The following SLCO2A1 variants were observed in gnomAD, a reference collection of about 807,000 sequenced individuals.
SLCO2A1 encodes the protein matrin F/G 1.
In SLCO2A1, 60 loss-of-function variants were observed where a neutral mutation model predicts 71.7. The observed-to-expected ratio is 0.84, with a 90% CI of 0.68 to 1.04. The LOEUF (loss-of-function observed/expected upper bound fraction) is 1.04. Among genes scored for constraint, SLCO2A1 ranks in the 50% least tolerant of loss-of-function variants. The pLI, the probability that SLCO2A1 is intolerant of heterozygous loss-of-function variation, is 0.00. For synonymous variants in SLCO2A1, 308 were observed against 326.7 expected (o/e 0.94, Z 0.62); for missense variants, 745 against 813.4 (o/e 0.92, Z 1.02).
rs4634113 is a variant in SLCO2A1 at position 133,973,653 on chromosome 3, A to G, written c.397+10T>C. The stretch of plus-strand genomic sequence containing the variant: ...CTTACCCCTTGAGGCAGGGGTTGGA[A>G]GCCACTCACCAGTGCTGGCCAAGGT... On this transcript the variant is annotated intron_variant, in intron 3 of 13. Coordinates refer to ENST00000310926, the MANE Select transcript of SLCO2A1 (RefSeq NM_005630.3). 1,381,938 of 1,612,758 alleles carry G rather than the reference A, an allele frequency of 0.86. 593,279 individuals are homozygous for G. Among genetic ancestry groups the G allele is most frequent in the East Asian group, 0.99 (44,438 of 44,878 alleles).
Position 133,953,758 on chromosome 3 carries a change from A to G in SLCO2A1, c.629T>C (p.Ile210Thr). 6.2e-7 allele frequency: 1 copy of G among 1,613,768 alleles called. No homozygotes were observed. Among genetic ancestry groups the G allele is most frequent in the South Asian group, 1.1e-5 (1 of 91,070 alleles). The part of the protein sequence containing the change: ...EPSNSPLYIS[I>T]LFAISVFGPA... ...TCCAAATACAGAGATGGCAAATAAGATGGCTGGAAAAGGAAGTAAGGGGAA... is the reference window on the plus strand; with the variant it reads ...TCCAAATACAGAGATGGCAAATAAGGTGGCTGGAAAAGGAAGTAAGGGGAA... The change falls in exon 5 of 14, where the codon ATC becomes ACC. Residue 210 changes from isoleucine to threonine, a missense_variant. Physicochemically the swap from Ile to Thr is moderately conservative, Grantham distance 89. Coordinates refer to ENST00000310926, the MANE Select transcript of SLCO2A1 (RefSeq NM_005630.3).
At chr3:133,960,161 A>G (rs2108048473) in intron 3 of SLCO2A1, among the ~76,000 whole-genome samples, 1 of 147,552 alleles carries the variant, frequency 6.8e-6, no homozygotes, top group African/African-American at 2.5e-5. Context: ...AATAAATACT[A>G]ATAAAGATAG....
chr3:134,029,497 C>T (rs999001701), intron 1 of SLCO2A1, among the ~76,000 whole-genome samples: 19 of 132,094 alleles, frequency 1.4e-4, no homozygotes, highest in Non-Finnish European at 2.8e-4. Flanking sequence ...CACTCGCACG[C>T]ACACACACAC....
chr3:133,945,051 ATCCTGTGGGGCTCCTCT>A (rs746105038), intron 10 of SLCO2A1, 27 bp downstream of exon 10: 1 of 1,578,216 alleles, frequency 6.3e-7, no homozygotes, highest in Non-Finnish European at 8.6e-7. Context: ...GAGCTCCGAG[ATCCTGTGGGGCTCCTCT>A]TGCCTCTGGA....
chr3:133,991,095 G>A (rs938350791), intron 1 of SLCO2A1, among the ~76,000 whole-genome samples: 2 of 151,730 alleles, frequency 1.3e-5, no homozygotes, highest in Non-Finnish European at 2.9e-5. Context: ...GGGTGACAGA[G>A]CAAGACTCCA....
intron 3 of SLCO2A1, among the ~76,000 whole-genome samples, chr3:133,967,953 C>A: frequency 9.9e-6 from 1 of 100,684 alleles, no homozygotes; most frequent in Admixed American, 1.0e-4. Flanking sequence ...AACACACTTC[C>A]CCCGACATGG....
chr3:133,970,739 T>G (rs1477295856), intron 3 of SLCO2A1, among the ~76,000 whole-genome samples: 1 of 152,184 alleles, frequency 6.6e-6, no homozygotes, highest in Non-Finnish European at 1.5e-5. Context: ...GGGAGACTGC[T>G]GTGCCCTATT....
chr3:133,947,008 G>T (rs1203917057), intron 9 of SLCO2A1, among the ~76,000 whole-genome samples: 1 of 151,972 alleles, frequency 6.6e-6, no homozygotes, highest in African/African-American at 2.4e-5. Context: ...CCAGCTACTC[G>T]AGAGGCTGAG....
chr3:133,946,262 A>T (rs544031467), intron 9 of SLCO2A1, among the ~76,000 whole-genome samples: 1 of 151,918 alleles, frequency 6.6e-6, no homozygotes, highest in South Asian at 2.1e-4. Flanking sequence ...CAGAGAAAAT[A>T]CCAGGGCTGA....
intron 10 of SLCO2A1, among the ~76,000 whole-genome samples, chr3:133,943,461 G>A (rs541631326): frequency 9.8e-5 from 15 of 152,290 alleles, no homozygotes; most frequent in African/African-American, 3.4e-4. Flanking sequence ...GGAACTAAGG[G>A]ACTAGTATGT....
intron 6 of SLCO2A1, among the ~76,000 whole-genome samples, chr3:133,950,700 C>G (rs900352054): frequency 6.6e-6 from 1 of 152,198 alleles, no homozygotes; most frequent in Admixed American, 6.5e-5. Context: ...CGTTCTCATC[C>G]TTCCCTGATT....
intron 3 of SLCO2A1, among the ~76,000 whole-genome samples, chr3:133,966,433 C>A (rs989157883): frequency 6.6e-6 from 1 of 152,134 alleles, no homozygotes; most frequent in Non-Finnish European, 1.5e-5. Context: ...CAGCACAAGA[C>A]GATGAGAGGG....
chr3:133,956,177 C>T (rs769200606), intron 3 of SLCO2A1, among the ~76,000 whole-genome samples: 15 of 152,186 alleles, frequency 9.9e-5, no homozygotes, highest in South Asian at 2.1e-4. Context: ...AATGGGATTC[C>T]GTTTAATTCT....
intron 1 of SLCO2A1, among the ~76,000 whole-genome samples, chr3:134,009,572 A>G (rs62272010): frequency 0.1 from 15,662 of 152,266 alleles, 1,022 homozygotes; most frequent in South Asian, 0.25. Context: ...AGAAATCAAG[A>G]GTTTAAGCCA....
chr3:133,968,463 G>A (rs961489225), intron 3 of SLCO2A1, among the ~76,000 whole-genome samples: 19 of 152,154 alleles, frequency 1.2e-4, no homozygotes, highest in Non-Finnish European at 2.2e-4. Context: ...CCTTCCCACC[G>A]CCTTCTTTCC....
intron 1 of SLCO2A1, among the ~76,000 whole-genome samples, chr3:133,980,703 C>T (rs1419429462): frequency 2.0e-5 from 3 of 152,262 alleles, no homozygotes; most frequent in Non-Finnish European, 4.4e-5. Flanking sequence ...GAAGCTGAGC[C>T]TTCCTCTATA....
intron 1 of SLCO2A1, among the ~76,000 whole-genome samples, chr3:134,013,771 A>G (rs557283079): frequency 1.3e-5 from 2 of 152,352 alleles, no homozygotes; most frequent in South Asian, 4.1e-4. Context: ...AATATGACAT[A>G]TTATTTGGAA....
chr3:133,974,652 T>C (rs901316105), intron 2 of SLCO2A1, among the ~76,000 whole-genome samples: 5 of 152,230 alleles, frequency 3.3e-5, no homozygotes, highest in Non-Finnish European at 5.9e-5. Flanking sequence ...AGATGTGCTC[T>C]CTGAGCCCCA....
chr3:133,973,724 G>A lies in SLCO2A1; in HGVS notation c.336C>T (p.Ala112=), dbSNP rs202035131. 8.7e-6 allele frequency: 14 copies of A among 1,614,144 alleles called. No homozygotes were observed. The African/African-American group carries it at 1.6e-4, about 18-fold the overall frequency. Residue 112 remains alanine, a synonymous_variant, in exon 3 of 14, where the codon GCC becomes GCT. Transcript: ENST00000310926. The part of the protein sequence containing the change: ...GIGGLFLAAG[A]FILTLPHFLS... ...GGAAGTGTGGGAGGGTGAGGATGAAGGCACCTGCAGCCAGGAAGAGACCTC... is the reference window on the plus strand; with the variant it reads ...GGAAGTGTGGGAGGGTGAGGATGAAAGCACCTGCAGCCAGGAAGAGACCTC...
Sources: gnomAD v4.1 joint callset for allele counts (sites outside exome capture counted in the v4.1 genomes callset) on GRCh38, gnomAD v4.1.1 for gene constraint, MANE v1.5 for transcripts, NCBI Gene and HGNC (gene_info 2026-07-23, HGNC 2026-07-21) for gene names.